Variants in GPATCH2 observed in about 807,000 individuals in gnomAD.
The protein encoded by GPATCH2 is G patch domain-containing protein 2.
GPATCH2 carries 51 observed loss-of-function variants against 58.0 expected under a neutral mutation model. The observed-to-expected ratio is 0.88, with a 90% CI of 0.70 to 1.11. The LOEUF (loss-of-function observed/expected upper bound fraction) is 1.11. GPATCH2 is among the 50% of genes most tolerant of loss of function. The pLI is 0.00. For synonymous variants in GPATCH2, 222 were observed against 218.5 expected (o/e 1.02, Z -0.14); for missense variants, 625 against 652.2 (o/e 0.96, Z 0.45).
At chr1:217,596,034 T>C (rs1667811411) in intron 5 of GPATCH2, among the ~76,000 whole-genome samples, 1 of 152,070 alleles carries the variant, frequency 6.6e-6, no homozygotes, top group Non-Finnish European at 1.5e-5. Flanking sequence ...TAACATAACT[T>C]AAATCAAAAG....
At chr1:217,491,862 C>T (rs1442965531) in intron 7 of GPATCH2, 112 bp from the exon 8 acceptor site, 9 of 333,022 alleles carry the variant, frequency 2.7e-5, no homozygotes, top group Non-Finnish European at 3.2e-5. Context: ...ATTTGCACGG[C>T]TTTTTTTTTT....
intron 5 of GPATCH2, among the ~76,000 whole-genome samples, chr1:217,534,709 C>T (rs1326557355): frequency 6.6e-6 from 1 of 152,182 alleles, no homozygotes; most frequent in Non-Finnish European, 1.5e-5. Flanking sequence ...TTGGCCCTTT[C>T]CCAATTCTCA....
chr1:217,564,492 G>T (rs926468511), intron 5 of GPATCH2, among the ~76,000 whole-genome samples: 1 of 151,588 alleles, frequency 6.6e-6, no homozygotes, highest in African/African-American at 2.4e-5. Flanking sequence ...AGTTTTCTCC[G>T]GCACGGCAAA....
chr1:217,521,869 A>C (rs1663478361), intron 5 of GPATCH2, among the ~76,000 whole-genome samples: 1 of 152,170 alleles, frequency 6.6e-6, no homozygotes, highest in South Asian at 2.1e-4. Context: ...GCCTTCCTAG[A>C]GGAATCCGTA....
chr1:217,495,746 A>G (rs1414772513), intron 7 of GPATCH2, among the ~76,000 whole-genome samples: 1 of 152,172 alleles, frequency 6.6e-6, no homozygotes, highest in Non-Finnish European at 1.5e-5. Context: ...ACCTCAGGGG[A>G]AAAACTATGT....
At chr1:217,562,765 C>A (rs535692861) in intron 5 of GPATCH2, among the ~76,000 whole-genome samples, 2 of 152,260 alleles carry the variant, frequency 1.3e-5, no homozygotes, top group South Asian at 4.1e-4. Context: ...AACATCTCTG[C>A]ACTTTGGTTT....
chr1:217,474,356 T>C (rs1660878515), intron 8 of GPATCH2, among the ~76,000 whole-genome samples: 3 of 152,192 alleles, frequency 2.0e-5, no homozygotes, highest in Non-Finnish European at 2.9e-5. Flanking sequence ...TGTTAAGATA[T>C]AGAAAGGTCA....
intron 5 of GPATCH2, among the ~76,000 whole-genome samples, chr1:217,528,574 C>G (rs937417499): frequency 1.7e-4 from 26 of 152,116 alleles, no homozygotes; most frequent in African/African-American, 6.0e-4. Context: ...CTCCATGCCT[C>G]TTGCATAAAG....
intron 5 of GPATCH2, among the ~76,000 whole-genome samples, chr1:217,542,518 C>A (rs144637951): frequency 3.3e-5 from 5 of 152,272 alleles, no homozygotes; most frequent in South Asian, 4.1e-4. Flanking sequence ...AAGTTTCAAG[C>A]GCTGGGAGCC....
intron 5 of GPATCH2, chr1:217,609,775 A>T (rs1668537947): frequency 1.0e-6 from 1 of 960,002 alleles, no homozygotes; most frequent in African/African-American, 1.8e-5. Flanking sequence ...ATTAATTCTT[A>T]ATCAGTCACA....
intron 8 of GPATCH2, among the ~76,000 whole-genome samples, chr1:217,454,457 T>G (rs534575073): frequency 1.3e-5 from 2 of 151,572 alleles, no homozygotes; most frequent in African/African-American, 4.8e-5. Flanking sequence ...GGCGTGGTGG[T>G]GGGCGCCTGT....
rs1343337095 is a variant in GPATCH2, at chr1:217,428,400, A to C, written c.*2745T>G. On this transcript the variant is annotated 3_prime_UTR_variant, in exon 10 of 10. Transcript: ENST00000366935. Reference sequence around the variant, plus strand: ...CTATGGACGTTGTAACTGGCAAAAAATTAACTATATATAAAAGACAAATTA... The same window carrying C: ...CTATGGACGTTGTAACTGGCAAAAACTTAACTATATATAAAAGACAAATTA... 2 of 152,236 alleles carry C rather than the reference A, an allele frequency of 1.3e-5. No individual in the cohort carries two copies. Among genetic ancestry groups the C allele is most frequent in the Non-Finnish European group, 2.9e-5 (2 of 68,038 alleles). The allele number at this position is 152,236 out of a possible 1,614,324, so 9.4% of individuals were successfully genotyped here.
chr1:217,484,459 T>C (rs1661355105), intron 8 of GPATCH2, among the ~76,000 whole-genome samples: 1 of 151,608 alleles, frequency 6.6e-6, no homozygotes, highest in Non-Finnish European at 1.5e-5. Context: ...CTGGTTCTCC[T>C]GAGTCTCCAG....
chr1:217,631,079 C>T lies in GPATCH2; in HGVS notation c.-108G>A. ...CAGTTCAGCATTTTGAGATGAGCTT[C>T]CGGAAGCCGACAGGCGGCGGAAACC... On this transcript the variant is annotated 5_prime_UTR_variant, in exon 1 of 10. Coordinates refer to ENST00000366935, the MANE Select transcript of GPATCH2 (RefSeq NM_018040.5). 1.1e-5 allele frequency: 12 copies of T among 1,108,352 alleles called. No homozygotes were observed. The highest frequency in any genetic ancestry group is 1.5e-5 in the Non-Finnish European group (12 of 776,336). 68.7% of individuals were successfully genotyped at this position (1,108,352 alleles called of 1,614,324 possible). A position where few individuals can be genotyped will look rare whatever the true frequency, so the allele number is the denominator to read the frequency against.
rs1203731790 is a variant in GPATCH2 at position 217,610,357 on chromosome 1, C to T, written c.1062G>A (p.Lys354=). The T allele has an allele frequency of 2.5e-6, 4 of 1,605,550 alleles. No homozygotes were observed. In the South Asian group the frequency reaches 3.3e-5, roughly 13 times the overall value. ...RLSRLHGMSS[K]NIKKSGGTPT... is the part of the protein sequence containing the mutation. ...GAGTCCCTCCAGATTTTTTAATATT[C>T]TTTGAAGACATTCCATGAAGGCGAC... Residue 354 remains lysine (K), a synonymous_variant, in exon 5 of 10, where the codon AAG becomes AAA. Coordinates refer to ENST00000366935, the MANE Select transcript of GPATCH2 (RefSeq NM_018040.5).
intron 8 of GPATCH2, among the ~76,000 whole-genome samples, chr1:217,488,852 C>T (rs1388371244): frequency 6.8e-6 from 1 of 147,624 alleles, no homozygotes; most frequent in Admixed American, 6.6e-5. Flanking sequence ...CCGCCATAGA[C>T]TATTTAAAAT....
chr1:217,619,908 TA>T lies in GPATCH2; in HGVS notation c.647del (p.Ile216LysfsTer13), dbSNP rs753441007. Reference sequence around the variant, plus strand: ...CTTGGATTTTTGGTCCTTGTCTGATTATTTTCAACTTTCTTTTTTTGACTTT... The same window carrying T: ...CTTGGATTTTTGGTCCTTGTCTGATTTTTTCAACTTTCTTTTTTTGACTTT... ...KNKVKKRKLK[I>X]IRQGPKIQDE... On this transcript the variant is annotated frameshift_variant, in exon 2 of 10. Coordinates refer to ENST00000366935, the MANE Select transcript of GPATCH2 (RefSeq NM_018040.5). LOFTEE classifies it high-confidence loss of function. 6.2e-7 allele frequency: 1 copy of T among 1,613,974 alleles called. No individual in the cohort carries two copies. Among genetic ancestry groups the T allele is most frequent in the Non-Finnish European group, 8.5e-7 (1 of 1,179,878 alleles).
intron 5 of GPATCH2, among the ~76,000 whole-genome samples, chr1:217,564,045 G>GAAAAAAAAAAAAAAA (rs59348467): frequency 1.7e-5 from 1 of 58,216 alleles, no homozygotes; most frequent in Non-Finnish European, 2.9e-5. Flanking sequence ...ACTCCGTCTC[G>GAAAAAAAAAAAAAAA]AAAAAAAAAA....
intron 5 of GPATCH2, among the ~76,000 whole-genome samples, chr1:217,595,903 T>A (rs1667803603): frequency 1.3e-5 from 2 of 152,126 alleles, no homozygotes; most frequent in African/African-American, 4.8e-5. Flanking sequence ...ATTCAAATAT[T>A]TACTGTTGTC....
Sources: allele counts gnomAD v4.1 joint callset (sites outside exome capture counted in the v4.1 genomes callset), GRCh38; gene constraint gnomAD v4.1.1; transcripts MANE v1.5; gene names NCBI Gene and HGNC (gene_info 2026-07-23, HGNC 2026-07-21).